RAB10: variants seen among roughly 807,000 people sequenced by gnomAD.
RAB10 encodes ras-related protein Rab-10.
Under a neutral mutation model 25.7 loss-of-function variants are expected in RAB10, and 5 were observed. The observed-to-expected ratio is 0.19, with a 90% confidence interval of 0.10 to 0.41. The LOEUF (loss-of-function observed/expected upper bound fraction) is 0.41, where lower values mean the gene tolerates loss of function less well. Among genes scored for constraint, RAB10 ranks in the 10% least tolerant of loss-of-function variants. RAB10 has a pLI of 1.00. For synonymous variants in RAB10, 89 were observed against 86.4 expected (o/e 1.03, Z -0.16); for missense variants, 103 against 245.8 (o/e 0.42, Z 3.89).
chr2:26,090,327 G>A (rs780574954), intron 1 of RAB10, among the ~76,000 whole-genome samples: 1 of 151,960 alleles, frequency 6.6e-6, no homozygotes, highest in Non-Finnish European at 1.5e-5. Context: ...GTTGAGAGTT[G>A]ATCTTTTAAG....
upstream of RAB10, chr2:26,033,979 T>TC (rs1445261607): frequency 7.5e-6 from 3 of 397,582 alleles, no homozygotes; most frequent in Non-Finnish European, 1.3e-5. Flanking sequence ...ACAGGAGCAT[T>TC]CCACTCGCCA....
At chr2:26,095,294 T>C (rs758226920) in intron 1 of RAB10, among the ~76,000 whole-genome samples, 3 of 152,108 alleles carry the variant, frequency 2.0e-5, no homozygotes, top group Non-Finnish European at 4.4e-5. Flanking sequence ...TTTCATCGTG[T>C]TCTCAGTATG....
At chr2:26,079,560 G>GA (rs1273729017) in intron 1 of RAB10, among the ~76,000 whole-genome samples, 2 of 151,864 alleles carry the variant, frequency 1.3e-5, no homozygotes, top group Non-Finnish European at 2.9e-5. Flanking sequence ...GGAAGTCATA[G>GA]AAGAAATGAT....
chr2:26,106,715 G>C (rs1489583214), intron 2 of RAB10, among the ~76,000 whole-genome samples: 3 of 145,868 alleles, frequency 2.1e-5, no homozygotes, highest in African/African-American at 7.7e-5. Flanking sequence ...GCAAAACCCC[G>C]TCTCTACTAG....
Position 26,114,909 on chromosome 2 carries a change from GAAA to G in RAB10, c.327+5009_327+5011del, listed in dbSNP as rs541723656. ...AGAGTGAGACTCTGTCTCAAAAAAA[GAAA>G]AAAAACCAAAAAGGATCATGGACCT... On this transcript the variant is annotated intron_variant, in intron 3 of 5. Coordinates refer to ENST00000264710, the MANE Select transcript of RAB10 (RefSeq NM_016131.5). Among the ~76,000 whole-genome samples, 510 of 150,802 alleles carry G rather than the reference GAAA, an allele frequency of 3.4e-3. 2 individuals are homozygous for G. The highest frequency in any genetic ancestry group is 0.012 in the African/African-American group (477 of 41,130).
At chr2:26,086,798 A>G (rs1262407212) in intron 1 of RAB10, among the ~76,000 whole-genome samples, 3 of 152,264 alleles carry the variant, frequency 2.0e-5, no homozygotes, top group Non-Finnish European at 4.4e-5. Flanking sequence ...TTCAGTCATA[A>G]AAACGGTATA....
chr2:26,115,037 T>C (rs921899067), intron 3 of RAB10, among the ~76,000 whole-genome samples: 1 of 152,150 alleles, frequency 6.6e-6, no homozygotes, highest in African/African-American at 2.4e-5. Context: ...TTCTACCATT[T>C]AGAAAGTAAA....
chr2:26,127,901 A>G lies in RAB10; in HGVS notation c.469A>G (p.Ile157Val). 1.9e-6 allele frequency: 3 copies of G among 1,611,874 alleles called. No homozygotes were observed. Among genetic ancestry groups the G allele is most frequent in the African/African-American group, 1.3e-5 (1 of 75,018 alleles). ...TTTTGAGACTAGTGCAAAAGCAAAT[A>G]TAAACATCGAAAAGGCGTTCCTCAC... ...RFFETSAKAN[I>V]NIEKAFLTLA... Residue 157 changes from isoleucine to valine, a missense_variant, in exon 5 of 6, where the codon ATA becomes GTA. Transcript: ENST00000264710.
chr2:26,103,994 A>G (rs1667414609), intron 2 of RAB10, among the ~76,000 whole-genome samples: 1 of 151,870 alleles, frequency 6.6e-6, no homozygotes, highest in South Asian at 2.1e-4. Flanking sequence ...TTAGTAATGG[A>G]CCTTTCAGTT....
intron 1 of RAB10, among the ~76,000 whole-genome samples, chr2:26,058,262 C>T (rs1348902576): frequency 1.3e-5 from 2 of 152,100 alleles, no homozygotes; most frequent in East Asian, 3.9e-4. Context: ...TCTTTCTTGT[C>T]CTCTACAACC....
rs118073261 is a variant in RAB10 at position 26,065,816 on chromosome 2, G to A, written c.127+31081G>A. On this transcript the variant is annotated intron_variant, in intron 1 of 5. Transcript: ENST00000264710. ...ATTTGTACATTTCCACATCTACAGC[G>A]TATCTTTCAGTTGGTAAAATATTAT... Among the ~76,000 whole-genome samples the A allele has an allele frequency of 1.8e-4, 28 of 152,168 alleles. No homozygotes were observed. The East Asian group carries it at 5.0e-3, about 27-fold the overall frequency.
At chr2:26,037,358 G>C (rs1476940753) in intron 1 of RAB10, among the ~76,000 whole-genome samples, 1 of 152,110 alleles carries the variant, frequency 6.6e-6, no homozygotes. Context: ...GAGTGTTAAG[G>C]CTGGGCACGG....
At chr2:26,107,716 A>G (rs1054057710) in intron 2 of RAB10, among the ~76,000 whole-genome samples, 1 of 152,116 alleles carries the variant, frequency 6.6e-6, no homozygotes, top group Non-Finnish European at 1.5e-5. Context: ...GAATCACTTG[A>G]ACCCAGGAGG....
chr2:26,042,657 C>T (rs1268136551), intron 1 of RAB10: 1 of 151,422 alleles, frequency 6.6e-6, no homozygotes, highest in African/African-American at 2.4e-5. Flanking sequence ...AACAAAAAAC[C>T]CCAAAAGACC....
chr2:26,100,541 A>G (rs1667320650), intron 2 of RAB10, among the ~76,000 whole-genome samples: 1 of 152,210 alleles, frequency 6.6e-6, no homozygotes, highest in African/African-American at 2.4e-5. Context: ...TTAGTACCAC[A>G]CTTGGGGTTG....
chr2:26,061,578 A>G (rs974578120), intron 1 of RAB10, among the ~76,000 whole-genome samples: 1 of 151,930 alleles, frequency 6.6e-6, no homozygotes, highest in Non-Finnish European at 1.5e-5. Flanking sequence ...TTTGGTAGAG[A>G]CAGGGTCTTG....
intron 1 of RAB10, among the ~76,000 whole-genome samples, chr2:26,036,036 T>C (rs536093604): frequency 8.5e-5 from 13 of 152,324 alleles, no homozygotes; most frequent in Non-Finnish European, 1.0e-4. Context: ...TCATGAAACT[T>C]AGAGCTTGTT....
At chr2:26,051,746 TC>T (rs1447029171) in intron 1 of RAB10, among the ~76,000 whole-genome samples, 2 of 143,488 alleles carry the variant, frequency 1.4e-5, no homozygotes, top group South Asian at 2.2e-4. Flanking sequence ...AAAGCGAGAC[TC>T]CGTCTCCAAA....
chr2:26,094,905 T>C (rs1408941346), intron 1 of RAB10, among the ~76,000 whole-genome samples: 1 of 152,162 alleles, frequency 6.6e-6, no homozygotes, highest in Non-Finnish European at 1.5e-5. Context: ...CATTTGAAAA[T>C]TTGGGGGTTC....
Sources: allele counts gnomAD v4.1 joint callset (sites outside exome capture counted in the v4.1 genomes callset), GRCh38; gene constraint gnomAD v4.1.1; transcripts MANE v1.5; gene names NCBI Gene and HGNC (gene_info 2026-07-23, HGNC 2026-07-21).